Variants in PLD2 observed in about 807,000 individuals in gnomAD.
PLD2 encodes phospholipase D2, also known as choline phosphatase 2.
In PLD2, 101 loss-of-function variants were observed where a neutral mutation model predicts 119.8. The ratio of observed to expected loss-of-function variants is 0.84; its 90% confidence interval spans 0.72 to 0.99. The LOEUF (loss-of-function observed/expected upper bound fraction) is 0.99, where lower values mean the gene tolerates loss of function less well. Among genes scored for constraint, PLD2 ranks in the 50% least tolerant of loss-of-function variants. The pLI is 0.00. For missense variants in PLD2, 1,164 were observed against 1,226.8 expected (o/e 0.95, Z 0.76); for synonymous variants, 494 against 482.8 (o/e 1.02, Z -0.30).
chr17:4,821,037 G>C (rs1177479180), intron 23 of PLD2, among the ~76,000 whole-genome samples: 9 of 151,328 alleles, frequency 5.9e-5, no homozygotes, highest in Non-Finnish European at 1.0e-4. Context: ...CGAGTAGCTG[G>C]GATTACAGGC....
At position 4,807,754 on chromosome 17, in the gene PLD2, G is replaced by A; in HGVS notation, c.-1-18G>A. Reference sequence around the variant, plus strand: ...CTGCAGGACAGCTCGCCTCCCTGAGGCTTCCCAATGTTCCTAGGATGACGG... The same window carrying A: ...CTGCAGGACAGCTCGCCTCCCTGAGACTTCCCAATGTTCCTAGGATGACGG... On this transcript the variant is annotated intron_variant, in intron 1 of 24. Transcript: ENST00000263088. The surrounding 1 kb of genome is among the most constrained non-coding windows in gnomAD (Gnocchi z 5.4). 1 of 1,463,684 alleles carries A rather than the reference G, an allele frequency of 6.8e-7. No individual in the cohort carries two copies. The allele number at this position is 1,463,684 out of a possible 1,614,324, so 90.7% of individuals were successfully genotyped here.
intron 13 of PLD2, 83 bp downstream of exon 13, chr17:4,815,669 T>C (rs2150675282): frequency 6.3e-7 from 1 of 1,591,790 alleles, no homozygotes; most frequent in Non-Finnish European, 8.6e-7. Flanking sequence ...CGCTCCCTGA[T>C]GGTCTCATCT....
intron 9 of PLD2, 104 bp downstream of exon 9, chr17:4,810,133 C>A: frequency 8.5e-7 from 1 of 1,178,926 alleles, no homozygotes; most frequent in Non-Finnish European, 1.2e-6. Flanking sequence ...AAGGCTTTTC[C>A]ACCTCCCTGG....
At chr17:4,820,087 GGC>G (rs1408762493) in intron 23 of PLD2, among the ~76,000 whole-genome samples, 1 of 150,782 alleles carries the variant, frequency 6.6e-6, no homozygotes, top group Non-Finnish European at 1.5e-5. Flanking sequence ...TGGGATTACA[GGC>G]ATGCGCCACC....
At chr17:4,817,426 G>A in intron 17 of PLD2, 167 bp downstream of exon 17, 1 of 617,922 alleles carries the variant, frequency 1.6e-6, no homozygotes, top group Non-Finnish European at 2.9e-6. Context: ...ACTTTGGAAG[G>A]CCAAGGCAGG....
intron 23 of PLD2, 83 bp from the exon 24 acceptor site, chr17:4,821,710 G>T: frequency 1.0e-6 from 1 of 978,938 alleles, no homozygotes; most frequent in Non-Finnish European, 1.6e-6. Flanking sequence ...TGAATTACCT[G>T]AGTAGGGACA....
At position 4,819,093 on chromosome 17, in the gene PLD2, C is replaced by T; in HGVS notation, c.2183C>T (p.Ala728Val). ...LHRLKAAMGTAWRDYISICGL... is the reference protein window; with the variant it reads ...LHRLKAAMGTVWRDYISICGL... ...CCCTCCTGTCACGCAGTGGGGACAG[C>T]ATGGCGGGACTATATTTCCATCTGC... The change falls in exon 22 of 25, where the codon GCA becomes GTA. Residue 728 changes from alanine (A) to valine (V), a missense_variant. Coordinates refer to ENST00000263088, the MANE Select transcript of PLD2 (RefSeq NM_002663.5). This position sits in a 1 kb window ranked among gnomAD's most constrained non-coding sequence, Gnocchi z 4.2. 1 of 1,614,144 alleles carries T rather than the reference C, an allele frequency of 6.2e-7. No individual in the cohort carries two copies. The highest frequency in any genetic ancestry group is 8.5e-7 in the Non-Finnish European group (1 of 1,179,984).
chr17:4,811,358 C>T (rs1906456426), intron 10 of PLD2, among the ~76,000 whole-genome samples: 1 of 141,454 alleles, frequency 7.1e-6, no homozygotes, highest in African/African-American at 2.7e-5. Flanking sequence ...CTCACTGCAA[C>T]CTCCGCCTCC....
In PLD2 at chr17:4,815,548, A is replaced by G; in HGVS notation, c.1246A>G (p.Ser416Gly). The G allele has an allele frequency of 1.2e-6, 2 of 1,613,780 alleles. No homozygotes were observed. The highest frequency in any genetic ancestry group is 1.7e-6 in the Non-Finnish European group (2 of 1,179,778). The change falls in exon 13 of 25, where the codon AGC becomes GGC. Residue 416 changes from serine (S) to glycine (G), a missense_variant. Ser to Gly is a moderately conservative substitution (Grantham distance 56, BLOSUM62 0). Transcript: ENST00000263088. ...ELALGINSGYSKRALMLLHPN... is the reference protein window; with the variant it reads ...ELALGINSGYGKRALMLLHPN... ...GGCCTTGGGCATCAACAGTGGCTAT[A>G]GCAAGAGGGCGCTGATGCTGCTGCA...
At chr17:4,820,573 CT>C (rs1229147405) in intron 23 of PLD2, among the ~76,000 whole-genome samples, 6,404 of 111,628 alleles carry the variant, frequency 0.057, 295 homozygotes, top group African/African-American at 0.15. Flanking sequence ...AAAAAAAAAT[CT>C]TTTTTTTTTT....
Position 4,816,584 on chromosome 17 carries a change from C to A in PLD2, c.1456-36C>A, listed in dbSNP as rs79735212. On this transcript the variant is annotated intron_variant, in intron 14 of 24. Transcript: ENST00000263088. ...CTGGCTCTGTACAGCCCCATGACTTCCCCTTGCCCCTGGCTTGGGTGTGTT... is the reference window on the plus strand; with the variant it reads ...CTGGCTCTGTACAGCCCCATGACTTACCCTTGCCCCTGGCTTGGGTGTGTT... 4.9e-3 allele frequency: 7,832 copies of A among 1,610,892 alleles called. 323 individuals carry two copies. The African/African-American group carries it at 0.089, about 18-fold the overall frequency.
chr17:4,816,060 T>C, intron 14 of PLD2, 126 bp downstream of exon 14: 1 of 739,612 alleles, frequency 1.4e-6, no homozygotes, highest in Non-Finnish European at 2.3e-6. Context: ...TCCTCAGACT[T>C]TCTGGGACTC....
rs1313355393 is a variant in PLD2 at position 4,818,829 on chromosome 17, TGCTGGGG to T, written c.2173+17_2173+23del. Reference sequence around the variant, plus strand: ...GCATCGCCTTAAAGCAGCCAGTGAGTGCTGGGGGCTGGGGGCTCAAGCCCTGGGCCCC... The same window carrying T: ...GCATCGCCTTAAAGCAGCCAGTGAGTGCTGGGGGCTCAAGCCCTGGGCCCC... On this transcript the variant is annotated splice_region_variant and intron_variant, in intron 21 of 24. Coordinates refer to ENST00000263088, the MANE Select transcript of PLD2 (RefSeq NM_002663.5). 7 of 1,613,622 alleles carry T rather than the reference TGCTGGGG, an allele frequency of 4.3e-6. No homozygotes were observed. In the Admixed American group the frequency reaches 1.2e-4, roughly 27 times the overall value.
At chr17:4,818,269 T>A (rs1163048707) in intron 18 of PLD2, 28 bp from the exon 19 acceptor site, 3 of 1,594,418 alleles carry the variant, frequency 1.9e-6, no homozygotes, top group African/African-American at 2.7e-5. Flanking sequence ...GCCAGGCTGC[T>A]GATGTCTGTC....
In PLD2 at chr17:4,816,673, A is replaced by G. The variant is rs767232237; in HGVS notation, c.1509A>G (p.Gln503=). The G allele has an allele frequency of 1.2e-6, 2 of 1,613,980 alleles. No individual in the cohort carries two copies. Among genetic ancestry groups the G allele is most frequent in the Non-Finnish European group, 1.7e-6 (2 of 1,179,996 alleles). Residue 503 remains glutamine (Q), a synonymous_variant, in exon 15 of 25, where the codon CAA becomes CAG. Coordinates refer to ENST00000263088, the MANE Select transcript of PLD2 (RefSeq NM_002663.5). ...SPATPDLSHN[Q]FFWLGKDYSN... ...CCACCCCAGACCTCTCTCACAACCA[A>G]TTCTTCTGGCTGGGCAAGGACTACA...
At chr17:4,820,391 C>T (rs1907532710) in intron 23 of PLD2, among the ~76,000 whole-genome samples, 1 of 150,788 alleles carries the variant, frequency 6.6e-6, no homozygotes. Flanking sequence ...CCTCAGCCTC[C>T]GGAGTAGCTG....
intron 9 of PLD2, among the ~76,000 whole-genome samples, chr17:4,810,355 G>A (rs572734637): frequency 6.4e-4 from 98 of 152,202 alleles, no homozygotes; most frequent in South Asian, 1.7e-3. Flanking sequence ...TATGAGTAAG[G>A]TGGATATGGC....
At chr17:4,817,462 A>G in intron 17 of PLD2, 1 of 573,318 alleles carries the variant, frequency 1.7e-6, no homozygotes. Context: ...GGAGATCGAG[A>G]CCATCCTGGC....
chr17:4,816,792 TCA>T, intron 15 of PLD2, 46 bp downstream of exon 15: 1 of 1,613,708 alleles, frequency 6.2e-7, no homozygotes, highest in Non-Finnish European at 8.5e-7. Flanking sequence ...GAGAGCAGGG[TCA>T]GAAGCTGGGG....
Sources: allele counts gnomAD v4.1 joint callset (sites outside exome capture counted in the v4.1 genomes callset), GRCh38; gene constraint gnomAD v4.1.1; non-coding constraint Gnocchi (gnomAD v3.1); transcripts MANE v1.5; gene names NCBI Gene and HGNC (gene_info 2026-07-23, HGNC 2026-07-21).